The following MYO16 variants were observed in gnomAD, a reference collection of about 807,000 sequenced individuals.
MYO16 encodes unconventional myosin-XVI.
In MYO16, 94 loss-of-function variants were observed where a neutral mutation model predicts 205.3. That is an observed-to-expected ratio of 0.46 (90% confidence interval 0.39 to 0.54). MYO16 has a LOEUF of 0.54. Among genes scored for constraint, MYO16 ranks in the 20% least tolerant of loss-of-function variants. MYO16 has a pLI of 0.00. For synonymous variants in MYO16, 988 were observed against 954.0 expected, an observed-to-expected ratio of 1.04 and a Z score of -0.66; for missense variants, 2,315 against 2,387.5, an observed-to-expected ratio of 0.97 and a Z score of 0.63.
intron 16 of MYO16, among the ~76,000 whole-genome samples, chr13:108,929,324 A>C (rs1882148158): frequency 6.6e-6 from 1 of 152,224 alleles, no homozygotes; most frequent in Non-Finnish European, 1.5e-5. Flanking sequence ...CTGAAGTTCC[A>C]ATACATATGT....
At chr13:108,655,010 C>A (rs1881179273) in intron 1 of MYO16, among the ~76,000 whole-genome samples, 2 of 152,160 alleles carry the variant, frequency 1.3e-5, no homozygotes, top group South Asian at 2.1e-4. Flanking sequence ...AGAAAATGTG[C>A]AGCCTGATGA....
At chr13:108,766,632 G>T (rs148823218) in intron 4 of MYO16, among the ~76,000 whole-genome samples, 1 of 152,196 alleles carries the variant, frequency 6.6e-6, no homozygotes, top group African/African-American at 2.4e-5. Flanking sequence ...AAGGCAGAGC[G>T]GGTAAATAGC....
At chr13:109,107,201 G>C (rs942073620) in intron 28 of MYO16, among the ~76,000 whole-genome samples, 2 of 152,158 alleles carry the variant, frequency 1.3e-5, no homozygotes, top group African/African-American at 4.8e-5. Flanking sequence ...AAATTGTAAT[G>C]AGATATACTT....
chr13:108,927,555 G>C (rs1403644723), intron 16 of MYO16, among the ~76,000 whole-genome samples: 1 of 152,156 alleles, frequency 6.6e-6, no homozygotes, highest in Non-Finnish European at 1.5e-5. Flanking sequence ...TTTCTGGATT[G>C]ATTTTCAAAT....
intron 21 of MYO16, among the ~76,000 whole-genome samples, chr13:108,996,514 A>G (rs1316903108): frequency 6.6e-6 from 1 of 152,214 alleles, no homozygotes; most frequent in Admixed American, 6.5e-5. Flanking sequence ...ATACTAAAAA[A>G]TGTGTTTCTC....
At chr13:108,976,981 G>A (rs1237931178) in intron 20 of MYO16, among the ~76,000 whole-genome samples, 1 of 152,112 alleles carries the variant, frequency 6.6e-6, no homozygotes, top group African/African-American at 2.4e-5. Flanking sequence ...TTCCTGTAGA[G>A]ATACATTTTT....
intron 3 of MYO16, among the ~76,000 whole-genome samples, chr13:108,717,973 G>A (rs1047418667): frequency 2.6e-4 from 39 of 152,136 alleles, no homozygotes; most frequent in African/African-American, 8.4e-4. Flanking sequence ...TTTAAATTTT[G>A]AATAATTTAA....
chr13:108,938,173 G>T (rs965126047), intron 16 of MYO16, among the ~76,000 whole-genome samples: 7 of 151,966 alleles, frequency 4.6e-5, no homozygotes, highest in South Asian at 2.1e-4. Context: ...CAGTATTTTG[G>T]CTTTGCCTGT....
intron 6 of MYO16, 27 bp from the exon 7 acceptor site, chr13:108,806,652 G>T (rs1439867461): frequency 1.2e-6 from 2 of 1,605,532 alleles, no homozygotes; most frequent in African/African-American, 1.3e-5. Flanking sequence ...TTAAAAAAAT[G>T]AATAATAAGA....
At chr13:108,791,134 G>A (rs976341522) in intron 5 of MYO16, among the ~76,000 whole-genome samples, 3 of 152,138 alleles carry the variant, frequency 2.0e-5, no homozygotes, top group Non-Finnish European at 2.9e-5. Flanking sequence ...AGTTTTAGCT[G>A]GTTCATAACA....
intron 22 of MYO16, among the ~76,000 whole-genome samples, chr13:109,018,961 TG>T (rs2139510768): frequency 1.4e-5 from 2 of 146,768 alleles, no homozygotes; most frequent in African/African-American, 5.1e-5. Context: ...GGACATACTC[TG>T]TTTTTTTTTT....
chr13:109,050,395 G>A (rs116931360), intron 24 of MYO16, among the ~76,000 whole-genome samples: 5,256 of 151,982 alleles, frequency 0.035, 132 homozygotes, highest in South Asian at 0.056. Flanking sequence ...TATCCTTCTC[G>A]GCACATCACA....
chr13:109,047,048 TCTTTATCTCTGAATATTTTC>T, intron 24 of MYO16, 57 bp downstream of exon 24: 1 of 1,247,214 alleles, frequency 8.0e-7, no homozygotes, highest in Non-Finnish European at 1.2e-6. Context: ...ATCCGTTATT[TCTTTATCTCTGAATATTTTC>T]CTAGAAAATA....
chr13:108,823,211 T>C lies in MYO16; in HGVS notation c.1030T>C (p.Ser344Pro). 1 of 1,613,322 alleles carries C rather than the reference T, an allele frequency of 6.2e-7. No homozygotes were observed. The highest frequency in any genetic ancestry group is 8.5e-7 in the Non-Finnish European group (1 of 1,179,492). ...AAAAATGAAAGAGCCTTTATCTGCT[T>C]CTACCTTAGCTCAAGAAGAGCCCTA... Reference protein sequence around the residue: ...EEKMKEPLSASTLAQEEPYEE... With the variant: ...EEKMKEPLSAPTLAQEEPYEE... The change falls in exon 9 of 35, where the codon TCT becomes CCT. Residue 344 changes from serine (S) to proline (P), a missense_variant. Physicochemically the swap from Ser to Pro is moderately conservative, Grantham distance 74 (BLOSUM62 -1). Transcript: ENST00000457511.
chr13:109,000,085 G>T (rs1885163458), intron 21 of MYO16, among the ~76,000 whole-genome samples: 2 of 152,138 alleles, frequency 1.3e-5, no homozygotes, highest in Admixed American at 1.3e-4. Context: ...TTAGTAAGGA[G>T]AATTAATGCA....
intron 27 of MYO16, among the ~76,000 whole-genome samples, chr13:109,058,259 T>C (rs1332990674): frequency 6.6e-6 from 1 of 152,050 alleles, no homozygotes; most frequent in Admixed American, 6.6e-5. Flanking sequence ...GCCGGTGCCT[T>C]GGTGATCAAA....
chr13:108,838,770 G>GCACA (rs71125345), intron 9 of MYO16, among the ~76,000 whole-genome samples: 119,948 of 145,386 alleles, frequency 0.83, 51,294 homozygotes, highest in South Asian at 0.94. Flanking sequence ...ACACACAAAT[G>GCACA]CACACACACA....
At chr13:108,848,461 A>G (rs975049335) in intron 10 of MYO16, among the ~76,000 whole-genome samples, 1 of 152,212 alleles carries the variant, frequency 6.6e-6, no homozygotes, top group Non-Finnish European at 1.5e-5. Flanking sequence ...CTACATAACT[A>G]AAACTCAAGT....
intron 6 of MYO16, among the ~76,000 whole-genome samples, chr13:108,796,687 T>G (rs1886798760): frequency 6.7e-6 from 1 of 149,252 alleles, no homozygotes; most frequent in African/African-American, 2.5e-5. Flanking sequence ...AAACACCACA[T>G]GTTCTCACTC....
Sources: gnomAD v4.1 joint callset for allele counts (sites outside exome capture counted in the v4.1 genomes callset) on GRCh38, gnomAD v4.1.1 for gene constraint, MANE v1.5 for transcripts, NCBI Gene and HGNC (gene_info 2026-07-23, HGNC 2026-07-21) for gene names.